The following TARS3 variants were observed in gnomAD, a reference collection of about 807,000 sequenced individuals.
TARS3 encodes the protein threonyl-tRNA synthetase 3, also known as threonine--tRNA ligase 2, cytoplasmic.
TARS3 carries 94 observed loss-of-function variants against 103.5 expected under a neutral mutation model. The observed-to-expected ratio is 0.91, with a 90% CI of 0.77 to 1.08. TARS3 has a LOEUF of 1.08. TARS3 is among the 50% of genes least tolerant of loss of function. The probability of loss-of-function intolerance (pLI) is 0.00; values close to 1 mark genes in which losing one functional copy is unlikely to be tolerated. For missense variants in TARS3, 952 were observed against 995.2 expected, an observed-to-expected ratio of 0.96 and a Z score of 0.58; for synonymous variants, 416 against 355.4, an observed-to-expected ratio of 1.17 and a Z score of -1.92.
intron 18 of TARS3, among the ~76,000 whole-genome samples, chr15:101,654,981 T>C (rs759108583): frequency 2.6e-5 from 4 of 152,198 alleles, no homozygotes; most frequent in African/African-American, 9.7e-5. Flanking sequence ...GGGGAGCTCT[T>C]ACAGACTCAC....
intron 16 of TARS3, among the ~76,000 whole-genome samples, chr15:101,659,588 A>G (rs1373869388): frequency 6.6e-6 from 1 of 151,850 alleles, no homozygotes; most frequent in Non-Finnish European, 1.5e-5. Context: ...GGCCCCAACC[A>G]CCTCCTGTCT....
chr15:101,673,057 G>GA (rs1312681779), intron 13 of TARS3, among the ~76,000 whole-genome samples: 1 of 152,192 alleles, frequency 6.6e-6, no homozygotes, highest in Admixed American at 6.5e-5. Flanking sequence ...TCGGATACAT[G>GA]AAGATGTGTC....
chr15:101,683,535 C>T (rs1181213401), intron 12 of TARS3, among the ~76,000 whole-genome samples: 2 of 152,128 alleles, frequency 1.3e-5, no homozygotes, highest in South Asian at 2.1e-4. Context: ...AGTTCATAAG[C>T]GTGATGACTG....
At chr15:101,695,069 A>C (rs942083933) in intron 10 of TARS3, among the ~76,000 whole-genome samples, 1 of 152,230 alleles carries the variant, frequency 6.6e-6, no homozygotes, top group Non-Finnish European at 1.5e-5. Flanking sequence ...AAAATAGTTA[A>C]AATGGTAAAT....
At chr15:101,714,605 C>CAAAAAAAAAA (rs35014693) in intron 4 of TARS3, 3 of 77,462 alleles carry the variant, frequency 3.9e-5, no homozygotes, top group Non-Finnish European at 6.3e-5. Context: ...GACTCCATCT[C>CAAAAAAAAAA]AAAAAAAAAA....
chr15:101,708,960 TC>T, intron 5 of TARS3, 50 bp from the exon 6 acceptor site: 1 of 1,161,134 alleles, frequency 8.6e-7, no homozygotes. Flanking sequence ...CATTATGCAT[TC>T]CCTCTTTCCT....
chr15:101,723,883 G>A (rs1240082012), intron 1 of TARS3, among the ~76,000 whole-genome samples: 1 of 152,264 alleles, frequency 6.6e-6, no homozygotes, highest in African/African-American at 2.4e-5. Context: ...AACAGCATTT[G>A]GTTAAGTCTG....
At chr15:101,715,101 C>T in intron 3 of TARS3, 138 bp from the exon 4 acceptor site, 3 of 702,220 alleles carry the variant, frequency 4.3e-6, no homozygotes, top group South Asian at 3.9e-5. Context: ...ACAGATATTT[C>T]TTGTTTTGCA....
intron 6 of TARS3, among the ~76,000 whole-genome samples, chr15:101,707,097 G>A (rs1337345177): frequency 2.0e-5 from 3 of 152,028 alleles, no homozygotes; most frequent in Admixed American, 6.5e-5. Context: ...CCATTAGTAC[G>A]TCATCAGAGA....
At chr15:101,668,997 A>G (rs1897692346) in intron 15 of TARS3, among the ~76,000 whole-genome samples, 1 of 152,208 alleles carries the variant, frequency 6.6e-6, no homozygotes, top group Non-Finnish European at 1.5e-5. Flanking sequence ...TTTAAAAAAA[A>G]AAGTTAGCTG....
At chr15:101,684,316 A>G (rs1205650353) in intron 11 of TARS3, 79 bp from the exon 12 acceptor site, 1 of 1,328,344 alleles carries the variant, frequency 7.5e-7, no homozygotes, top group Admixed American at 2.7e-5. Flanking sequence ...AGAAATTACA[A>G]TTAAGCCTCA....
At chr15:101,694,516 C>T (rs943345092) in intron 10 of TARS3, among the ~76,000 whole-genome samples, 1 of 152,206 alleles carries the variant, frequency 6.6e-6, no homozygotes, top group Non-Finnish European at 1.5e-5. Flanking sequence ...CCCACAAGCA[C>T]ACCCTCTACT....
At chr15:101,701,243 C>A (rs1355051802) in intron 9 of TARS3, 59 bp from the exon 10 acceptor site, 7 of 1,032,310 alleles carry the variant, frequency 6.8e-6, no homozygotes, top group South Asian at 3.0e-5. Context: ...ATATTTACTG[C>A]ACACACATAT....
Position 101,703,983 on chromosome 15 carries a change from C to A in TARS3, c.996-46G>T, listed in dbSNP as rs777432368. 4 of 1,362,824 alleles carry A rather than the reference C, an allele frequency of 2.9e-6. No homozygotes were observed. The Admixed American group carries it at 7.3e-5, about 25-fold the overall frequency. 84.4% of individuals were successfully genotyped at this position (1,362,824 alleles called of 1,614,324 possible). On this transcript the variant is annotated intron_variant, in intron 7 of 18. Coordinates refer to ENST00000335968, the MANE Select transcript of TARS3 (RefSeq NM_152334.3). The stretch of plus-strand genomic sequence containing the variant: ...CATGCTCAGGCACAGTTACAGTGTT[C>A]TGGACTATTCATTATAAGCCATAAT...
rs1254149696 is a variant in TARS3, at chr15:101,703,784, AATAAG to A, written c.1074+70_1074+74del. The stretch of plus-strand genomic sequence containing the variant: ...GTTCAGACTACAAAAGATATGATTG[AATAAG>A]ATATGATTAAAATCCTTTAATAGCT... On this transcript the variant is annotated intron_variant, in intron 8 of 18. Coordinates refer to ENST00000335968, the MANE Select transcript of TARS3 (RefSeq NM_152334.3). 3.5e-6 allele frequency: 3 copies of A among 867,090 alleles called. No individual in the cohort carries two copies. In the African/African-American group the frequency reaches 5.1e-5, roughly 15 times the overall value. 53.7% of individuals were successfully genotyped at this position (867,090 alleles called of 1,614,324 possible).
At chr15:101,655,000 C>T (rs147000750) in intron 18 of TARS3, among the ~76,000 whole-genome samples, 8 of 151,956 alleles carry the variant, frequency 5.3e-5, no homozygotes, top group South Asian at 2.1e-4. Flanking sequence ...ACACTGACTG[C>T]ACCTGGCACT....
At chr15:101,685,634 TTATAAAATTGACACA>T (rs1181195995) in intron 11 of TARS3, among the ~76,000 whole-genome samples, 3 of 152,118 alleles carry the variant, frequency 2.0e-5, no homozygotes, top group Non-Finnish European at 2.9e-5. Flanking sequence ...ATTATAAAAC[TTATAAAATTGACACA>T]TAACATTATC....
intron 15 of TARS3, among the ~76,000 whole-genome samples, chr15:101,669,543 C>T (rs1033084991): frequency 2.0e-5 from 3 of 152,158 alleles, no homozygotes; most frequent in Non-Finnish European, 2.9e-5. Context: ...GAGCAGCTTC[C>T]GGTTATGCAA....
intron 18 of TARS3, 26 bp from the exon 19 acceptor site, chr15:101,654,756 GTAT>G (rs780789930): frequency 3.7e-5 from 59 of 1,605,992 alleles, no homozygotes; most frequent in Non-Finnish European, 4.6e-5. Flanking sequence ...GTAAAGAAAT[GTAT>G]TTTAAATCAG....
Sources: allele counts gnomAD v4.1 joint callset (sites outside exome capture counted in the v4.1 genomes callset), GRCh38; gene constraint gnomAD v4.1.1; transcripts MANE v1.5; gene names NCBI Gene and HGNC (gene_info 2026-07-23, HGNC 2026-07-21).